The following PIK3C2G variants were observed in gnomAD, a reference collection of about 807,000 sequenced individuals.
PIK3C2G encodes the protein phosphatidylinositol-4-phosphate 3-kinase catalytic subunit type 2 gamma.
PIK3C2G carries 168 observed loss-of-function variants against 181.1 expected under a neutral mutation model. The ratio of observed to expected loss-of-function variants is 0.93; its 90% CI spans 0.82 to 1.05. PIK3C2G has a LOEUF of 1.05. Among genes scored for constraint, PIK3C2G ranks in the 50% least tolerant of loss-of-function variants. The pLI is 0.00. For synonymous variants in PIK3C2G, 573 were observed against 592.2 expected, an observed-to-expected ratio of 0.97 and a Z score of 0.47; for missense variants, 1,869 against 1,732.8, an observed-to-expected ratio of 1.08 and a Z score of -1.40.
At chr12:18,359,600 G>A (rs1941053143) in intron 11 of PIK3C2G, among the ~76,000 whole-genome samples, 1 of 152,064 alleles carries the variant, frequency 6.6e-6, no homozygotes, top group Admixed American at 6.6e-5. Flanking sequence ...TATGTTGGGT[G>A]TTCTGATATT....
chr12:18,588,694 A>G (rs1025331513), intron 29 of PIK3C2G, among the ~76,000 whole-genome samples: 1 of 152,144 alleles, frequency 6.6e-6, no homozygotes, highest in Admixed American at 6.5e-5. Flanking sequence ...TGATTCCTCA[A>G]GAAGCTAGAA....
At chr12:18,580,596 A>C (rs1946447812) in intron 29 of PIK3C2G, among the ~76,000 whole-genome samples, 2 of 152,224 alleles carry the variant, frequency 1.3e-5, no homozygotes, top group South Asian at 4.1e-4. Flanking sequence ...ATTACTTTAC[A>C]CAGTCTACTA....
At chr12:18,280,246 T>A (rs1591814272) in intron 1 of PIK3C2G, among the ~76,000 whole-genome samples, 1 of 152,082 alleles carries the variant, frequency 6.6e-6, no homozygotes, top group Non-Finnish European at 1.5e-5. Flanking sequence ...CACTGAGTTT[T>A]AAGTAAGAAA....
chr12:18,314,004 A>G lies in PIK3C2G; in HGVS notation c.1077A>G (p.Lys359=), dbSNP rs373231729. Reference sequence around the variant, plus strand: ...GCCACAAAATGTTTCAAAAAGATAAATCTGTTATTCAGCTCCACCTGCAGA... The same window carrying G: ...GCCACAAAATGTTTCAAAAAGATAAGTCTGTTATTCAGCTCCACCTGCAGA... ...LGSHKMFQKD[K]SVIQLHLQKS... is the part of the protein sequence containing the mutation. The change falls in exon 6 of 33, where the codon AAA becomes AAG. Residue 359 remains lysine, a synonymous_variant. Transcript: ENST00000538779. The G allele has an allele frequency of 1.0e-5, 16 of 1,592,208 alleles. No homozygotes were observed. The highest frequency in any genetic ancestry group is 1.2e-5 in the Non-Finnish European group (14 of 1,168,418).
intron 31 of PIK3C2G, among the ~76,000 whole-genome samples, chr12:18,620,081 G>A (rs1199866019): frequency 6.6e-6 from 1 of 152,076 alleles, no homozygotes; most frequent in Non-Finnish European, 1.5e-5. Context: ...GACACATTTG[G>A]TAAATATCCC....
chr12:18,589,557 T>G (rs1430214213), intron 29 of PIK3C2G, among the ~76,000 whole-genome samples: 1 of 151,884 alleles, frequency 6.6e-6, no homozygotes, highest in Admixed American at 6.6e-5. Flanking sequence ...GCTATTCAAA[T>G]CAGGGCATTT....
At chr12:18,371,585 C>T (rs1238540605) in intron 13 of PIK3C2G, among the ~76,000 whole-genome samples, 1 of 152,020 alleles carries the variant, frequency 6.6e-6, no homozygotes, top group Admixed American at 6.6e-5. Flanking sequence ...TCTTTTCTGA[C>T]CAGCTGGTTT....
chr12:18,479,568 G>A (rs1336165702), intron 18 of PIK3C2G, among the ~76,000 whole-genome samples: 1 of 152,130 alleles, frequency 6.6e-6, no homozygotes, highest in Non-Finnish European at 1.5e-5. Context: ...GGAAACACCT[G>A]GCACAGAGTA....
At position 18,609,593 on chromosome 12, in the gene PIK3C2G, G is replaced by A. The variant is rs1319864585; in HGVS notation, c.4146G>A (p.Val1382=). ...AGTTAGTCATATCCTACGAGGATGT[G>A]AAGCTGACCATACTAGTGAAACACA... ...KVQLVISYED[V]KLTILVKHMK... Residue 1382 remains valine, a synonymous_variant, in exon 31 of 33, where the codon GTG becomes GTA. Coordinates refer to ENST00000538779, the MANE Select transcript of PIK3C2G (RefSeq NM_001288772.2). 1.9e-6 allele frequency: 3 copies of A among 1,586,398 alleles called. No individual in the cohort carries two copies. The highest frequency in any genetic ancestry group is 2.6e-6 in the Non-Finnish European group (3 of 1,164,376).
the PIK3C2G span, among the ~76,000 whole-genome samples, chr12:18,700,390 CT>C: frequency 1.3e-5 from 2 of 151,692 alleles, no homozygotes; most frequent in Non-Finnish European, 2.9e-5. Flanking sequence ...GAAAACATTT[CT>C]TGCTCATGCT....
At chr12:18,393,023 G>A (rs1415973377) in intron 15 of PIK3C2G, among the ~76,000 whole-genome samples, 1 of 152,040 alleles carries the variant, frequency 6.6e-6, no homozygotes, top group African/African-American at 2.4e-5. Context: ...TTCAACAAGT[G>A]TGCCACAAAT....
At chr12:18,371,065 G>T in intron 12 of PIK3C2G, 115 bp from the exon 13 acceptor site, 2 of 762,500 alleles carry the variant, frequency 2.6e-6, no homozygotes. Context: ...TCAAGAGGCA[G>T]CCTCAATTCA....
At chr12:18,278,080 C>T (rs1949059259) in intron 1 of PIK3C2G, among the ~76,000 whole-genome samples, 1 of 151,940 alleles carries the variant, frequency 6.6e-6, no homozygotes. Flanking sequence ...TAGGAAATAC[C>T]TTTCAGTTCA....
chr12:18,291,446 C>G (rs1277581230), intron 4 of PIK3C2G, among the ~76,000 whole-genome samples: 1 of 152,094 alleles, frequency 6.6e-6, no homozygotes, highest in Non-Finnish European at 1.5e-5. Flanking sequence ...AATGAGGAAT[C>G]TAGTAGCATG....
intron 17 of PIK3C2G, among the ~76,000 whole-genome samples, chr12:18,421,849 A>C (rs1945507104): frequency 6.6e-6 from 1 of 152,002 alleles, no homozygotes; most frequent in South Asian, 2.1e-4. Flanking sequence ...AACTGGTAGA[A>C]GGAGCCTATA....
At chr12:18,253,523 T>C (rs1383566024) in intron 1 of PIK3C2G, among the ~76,000 whole-genome samples, 1 of 152,170 alleles carries the variant, frequency 6.6e-6, no homozygotes, top group Non-Finnish European at 1.5e-5. Context: ...AAGATATAAA[T>C]ACCTCAAGAT....
At chr12:18,473,130 G>GT (rs1938611014) in intron 18 of PIK3C2G, among the ~76,000 whole-genome samples, 2 of 152,104 alleles carry the variant, frequency 1.3e-5, no homozygotes, top group African/African-American at 4.8e-5. Flanking sequence ...AGGGCAAATC[G>GT]TTTTTTATCC....
At chr12:18,430,799 G>T (rs1302158794) in intron 18 of PIK3C2G, among the ~76,000 whole-genome samples, 1 of 152,166 alleles carries the variant, frequency 6.6e-6, no homozygotes. Flanking sequence ...CTAAGAACAA[G>T]TTGATGGAGC....
intron 18 of PIK3C2G, among the ~76,000 whole-genome samples, chr12:18,451,955 C>A (rs1947387797): frequency 6.6e-6 from 1 of 152,196 alleles, no homozygotes; most frequent in Admixed American, 6.6e-5. Flanking sequence ...TTTTGATGTG[C>A]TGCTGGATTT....
Sources: allele counts gnomAD v4.1 joint callset (sites outside exome capture counted in the v4.1 genomes callset), GRCh38; gene constraint gnomAD v4.1.1; transcripts MANE v1.5; gene names NCBI Gene and HGNC (gene_info 2026-07-23, HGNC 2026-07-21).